The following PYROXD1 variants were observed in gnomAD, a reference collection of about 807,000 sequenced individuals.
The protein encoded by PYROXD1 is tRNA ligase complex-associated NAD(P)H dehydrogenase PYROXD1.
PYROXD1 carries 42 observed loss-of-function variants against 62.0 expected under a neutral mutation model. That is an observed-to-expected ratio of 0.68 (90% CI 0.53 to 0.88). The LOEUF is 0.88. PYROXD1 is among the 40% of genes least tolerant of loss of function. PYROXD1 has a pLI of 0.00. For missense variants in PYROXD1, 493 were observed against 604.8 expected (o/e 0.82, Z 1.94); for synonymous variants, 170 against 206.4 (o/e 0.82, Z 1.51).
intron 7 of PYROXD1, among the ~76,000 whole-genome samples, chr12:21,457,346 A>C (rs1942616368): frequency 6.6e-6 from 1 of 152,216 alleles, no homozygotes; most frequent in African/African-American, 2.4e-5. Flanking sequence ...GCAGGCATGA[A>C]AACAACATTC....
chr12:21,461,050 CTA>C lies in PYROXD1; in HGVS notation c.778_779del (p.Met260ValfsTer2), dbSNP rs1239779718. On this transcript the variant is annotated frameshift_variant, in exon 8 of 12. Coordinates refer to ENST00000240651, the MANE Select transcript of PYROXD1 (RefSeq NM_024854.5). LOFTEE classifies it high-confidence loss of function. ...TTTTCTCATAAGATTCACCTTGAAA[CTA>C]TGTGTGAAGTAAAGAAAATCTACCT... is the stretch of plus-strand genomic sequence containing the variant. The C allele has an allele frequency of 5.8e-6, 9 of 1,552,266 alleles. No homozygotes were observed. Among genetic ancestry groups the C allele is most frequent in the South Asian group, 4.9e-5 (4 of 81,236 alleles).
intron 10 of PYROXD1, among the ~76,000 whole-genome samples, chr12:21,464,009 A>G (rs1466739058): frequency 6.6e-6 from 1 of 152,182 alleles, no homozygotes; most frequent in African/African-American, 2.4e-5. Context: ...CAGCACCATC[A>G]TTTTGTGTTC....
intron 8 of PYROXD1, among the ~76,000 whole-genome samples, chr12:21,461,564 C>T (rs1942698696): frequency 1.3e-5 from 2 of 152,162 alleles, no homozygotes; most frequent in South Asian, 4.1e-4. Context: ...GAAATACACT[C>T]AGTTAACTAG....
intron 3 of PYROXD1, 119 bp downstream of exon 3, chr12:21,445,585 T>C (rs1942371554): frequency 2.0e-6 from 2 of 994,620 alleles, no homozygotes; most frequent in African/African-American, 3.3e-5. Flanking sequence ...ATGTAAAGTT[T>C]AGTGACATTG....
intron 7 of PYROXD1, 27 bp from the exon 8 acceptor site, chr12:21,460,998 T>C (rs1356012451): frequency 2.1e-6 from 3 of 1,432,666 alleles, no homozygotes; most frequent in East Asian, 4.8e-5. Flanking sequence ...GTAAGTATTA[T>C]GCTAACCAGT....
intron 2 of PYROXD1, 68 bp from the exon 3 acceptor site, chr12:21,445,279 T>G (rs1942364759): frequency 7.1e-7 from 1 of 1,407,092 alleles, no homozygotes; most frequent in South Asian, 1.6e-5. Context: ...AAAGTATTTT[T>G]ATTATTTAAG....
intron 3 of PYROXD1, 108 bp downstream of exon 3, chr12:21,445,574 C>T: frequency 1.8e-6 from 2 of 1,136,998 alleles, no homozygotes; most frequent in Non-Finnish European, 2.4e-6. Context: ...AAGTTTTTAA[C>T]ATGTAAAGTT....
chr12:21,453,031 A>T (rs920911772), intron 5 of PYROXD1, among the ~76,000 whole-genome samples: 6 of 152,036 alleles, frequency 3.9e-5, no homozygotes, highest in African/African-American at 1.4e-4. Context: ...TTGTGGCATT[A>T]TATGGAGAAA....
chr12:21,449,682 C>T lies in PYROXD1; in HGVS notation c.405C>T (p.Asp135=), dbSNP rs1390359454. The T allele has an allele frequency of 6.2e-7, 1 of 1,609,926 alleles. No homozygotes were observed. The highest frequency in any genetic ancestry group is 1.3e-5 in the African/African-American group (1 of 74,664). The part of the protein sequence containing the change: ...NPYVLGIRDT[D]SAQEFQKQLT... ...ATGTATTAGGAATCCGTGATACAGA[C>T]AGTGCTCAGGTAACATTTTAAGGTT... Residue 135 remains aspartate (D), a synonymous_variant, in exon 4 of 12, where the codon GAC becomes GAT. Coordinates refer to ENST00000240651, the MANE Select transcript of PYROXD1 (RefSeq NM_024854.5).
At chr12:21,442,456 A>G (rs7136257) in intron 2 of PYROXD1, among the ~76,000 whole-genome samples, 74,851 of 152,028 alleles carry the variant, frequency 0.49, 18,495 homozygotes, top group Middle Eastern at 0.59. Flanking sequence ...GCCAGTGCCT[A>G]GATTGCAGAC....
chr12:21,441,887 T>G (rs999407810), intron 2 of PYROXD1, among the ~76,000 whole-genome samples: 3 of 152,236 alleles, frequency 2.0e-5, no homozygotes, highest in Admixed American at 1.3e-4. Context: ...TGGAAAGACC[T>G]TCCCCTATGG....
chr12:21,465,329 A>C lies in PYROXD1; in HGVS notation c.1117-2152A>C, dbSNP rs542331654. On this transcript the variant is annotated intron_variant, in intron 10 of 11. Coordinates refer to ENST00000240651, the MANE Select transcript of PYROXD1 (RefSeq NM_024854.5). ...TATTTCTCCACATCCTCTCCAGCAC[A>C]TGTTGTTTCCTGACTTTTTAATGAT... 7.2e-3 allele frequency among the ~76,000 whole-genome samples: 1,094 copies of C among 152,024 alleles called. 11 individuals carry two copies. The highest frequency in any genetic ancestry group is 0.021 in the African/African-American group (857 of 41,466).
intron 3 of PYROXD1, 99 bp from the exon 4 acceptor site, chr12:21,449,464 T>C: frequency 1.8e-6 from 2 of 1,136,260 alleles, no homozygotes; most frequent in South Asian, 1.6e-5. Context: ...TAATATATTA[T>C]GTTTTGCTTT....
At chr12:21,440,758 A>C (rs986361715) in intron 2 of PYROXD1, among the ~76,000 whole-genome samples, 1 of 152,202 alleles carries the variant, frequency 6.6e-6, no homozygotes, top group Non-Finnish European at 1.5e-5. Context: ...GATCTTGGAA[A>C]AGCTTTCAGC....
intron 7 of PYROXD1, among the ~76,000 whole-genome samples, chr12:21,460,105 TTGTG>T (rs1337126540): frequency 6.6e-6 from 1 of 152,176 alleles, no homozygotes; most frequent in Non-Finnish European, 1.5e-5. Flanking sequence ...CTTCGTTACT[TTGTG>T]TGATTTCTTT....
At chr12:21,454,076 G>A (rs1173822460) in intron 5 of PYROXD1, among the ~76,000 whole-genome samples, 1 of 151,888 alleles carries the variant, frequency 6.6e-6, no homozygotes, top group Non-Finnish European at 1.5e-5. Flanking sequence ...AAAGCAAGGA[G>A]TTCCTTATCA....
intron 3 of PYROXD1, among the ~76,000 whole-genome samples, chr12:21,448,966 A>G (rs1283288200): frequency 6.6e-6 from 1 of 152,142 alleles, no homozygotes; most frequent in Non-Finnish European, 1.5e-5. Context: ...TTGCTCGTAA[A>G]GTCATTATTT....
intron 10 of PYROXD1, among the ~76,000 whole-genome samples, chr12:21,463,114 C>G (rs1942729491): frequency 7.3e-6 from 1 of 136,962 alleles, no homozygotes. Flanking sequence ...TCATTCTTAC[C>G]TGCTTATCAG....
chr12:21,465,302 C>G (rs1317478600), intron 10 of PYROXD1, among the ~76,000 whole-genome samples: 1 of 152,102 alleles, frequency 6.6e-6, no homozygotes, highest in African/African-American at 2.4e-5. Context: ...TAAAAGTGTT[C>G]CTATTTCTCC....
Sources: allele counts gnomAD v4.1 joint callset (sites outside exome capture counted in the v4.1 genomes callset), GRCh38; gene constraint gnomAD v4.1.1; transcripts MANE v1.5; gene names NCBI Gene and HGNC (gene_info 2026-07-23, HGNC 2026-07-21).